Variants in PRKAR1B observed in about 807,000 individuals in gnomAD.
The protein encoded by PRKAR1B is cAMP-dependent protein kinase type I-beta regulatory subunit.
In PRKAR1B, 22 loss-of-function variants were observed where a neutral mutation model predicts 46.5. The observed-to-expected ratio is 0.47, with a 90% CI of 0.34 to 0.68. The LOEUF is 0.68. PRKAR1B is among the 30% of genes least tolerant of loss of function. The pLI, the probability that PRKAR1B is intolerant of heterozygous loss-of-function variation, is 0.01. For missense variants in PRKAR1B, 445 were observed against 535.6 expected (o/e 0.83, Z 1.67); for synonymous variants, 259 against 217.7 (o/e 1.19, Z -1.67).
intron 2 of PRKAR1B, chr7:697,120 C>G (rs987030587): frequency 2.3e-4 from 35 of 152,222 alleles, no homozygotes; most frequent in Admixed American, 2.2e-3. Flanking sequence ...AACAGGGTTT[C>G]CAGAAAGCTC....
intron 9 of PRKAR1B, among the ~76,000 whole-genome samples, chr7:558,521 C>A (rs1383565066): frequency 6.6e-6 from 1 of 151,780 alleles, no homozygotes; most frequent in African/African-American, 2.4e-5. Flanking sequence ...TTTGGGAGGC[C>A]GAGGTGGGCA....
chr7:559,081 C>T (rs1778626017), intron 9 of PRKAR1B, among the ~76,000 whole-genome samples: 1 of 152,242 alleles, frequency 6.6e-6, no homozygotes. Flanking sequence ...CCAGGCTCGC[C>T]TTCAGTCACT....
chr7:694,827 G>C (rs930320991), intron 2 of PRKAR1B, among the ~76,000 whole-genome samples: 1 of 152,168 alleles, frequency 6.6e-6, no homozygotes, highest in Non-Finnish European at 1.5e-5. Context: ...CCTGAGGTCA[G>C]AAGTTCGAGA....
At chr7:643,200 C>T (rs1784474402) in intron 4 of PRKAR1B, among the ~76,000 whole-genome samples, 1 of 151,612 alleles carries the variant, frequency 6.6e-6, no homozygotes, top group Non-Finnish European at 1.5e-5. Flanking sequence ...GTCACTCTTT[C>T]ATGCCATCTT....
intron 6 of PRKAR1B, among the ~76,000 whole-genome samples, chr7:599,442 C>T (rs973753523): frequency 2.0e-5 from 3 of 152,180 alleles, no homozygotes; most frequent in Admixed American, 6.5e-5. Flanking sequence ...GCAACTGCCA[C>T]CACGCCCGGC....
chr7:607,444 AAT>A lies in PRKAR1B; in HGVS notation c.447_448del (p.Phe150ArgfsTer20). The A allele has an allele frequency of 6.2e-7, 1 of 1,613,962 alleles. No individual in the cohort carries two copies. Among genetic ancestry groups the A allele is most frequent in the Non-Finnish European group, 8.5e-7 (1 of 1,179,836 alleles). On this transcript the variant is annotated frameshift_variant, in exon 5 of 11. Transcript: ENST00000537384. LOFTEE classifies it high-confidence loss of function. ...GTGAGTGACAGGGAACATGGCATCG[AAT>A]ATGTCACTGAAAAGCAAAACACGCC...
chr7:626,506 A>G (rs1420640969), intron 4 of PRKAR1B, among the ~76,000 whole-genome samples: 1 of 152,160 alleles, frequency 6.6e-6, no homozygotes, highest in African/African-American at 2.4e-5. Context: ...CAGAAACAAA[A>G]AACAAAAATA....
chr7:633,077 C>T (rs947079096), intron 4 of PRKAR1B, among the ~76,000 whole-genome samples: 1 of 152,094 alleles, frequency 6.6e-6, no homozygotes. Flanking sequence ...TCATTCTCTG[C>T]TCCCACCACT....
At chr7:559,224 G>C (rs545880025) in intron 9 of PRKAR1B, among the ~76,000 whole-genome samples, 27 of 152,306 alleles carry the variant, frequency 1.8e-4, no homozygotes, top group African/African-American at 6.0e-4. Context: ...CAGGAGAGCC[G>C]AGAATCAGTT....
At chr7:591,351 G>A (rs1780965328) in intron 7 of PRKAR1B, among the ~76,000 whole-genome samples, 1 of 152,230 alleles carries the variant, frequency 6.6e-6, no homozygotes, top group African/African-American at 2.4e-5. Context: ...CTTTGTGTGG[G>A]AAAAGGCAGG....
At position 703,134 on chromosome 7, in the gene PRKAR1B, A is replaced by G. The variant is rs1780148723; in HGVS notation, c.177+8195T>C. 2.0e-5 allele frequency among the ~76,000 whole-genome samples: 3 copies of G among 152,232 alleles called. No homozygotes were observed. In the South Asian group the frequency reaches 6.2e-4, roughly 32 times the overall value. On this transcript the variant is annotated intron_variant, in intron 2 of 10. Coordinates refer to ENST00000537384, the MANE Select transcript of PRKAR1B (RefSeq NM_001164760.2). ...TAATATCAGATAAAGCAGACTTCAGAACAATGAAAATTACCAGGAACAAAG... is the reference window on the plus strand; with the variant it reads ...TAATATCAGATAAAGCAGACTTCAGGACAATGAAAATTACCAGGAACAAAG...
chr7:652,874 G>A (rs565184431), intron 4 of PRKAR1B, among the ~76,000 whole-genome samples: 16 of 152,324 alleles, frequency 1.1e-4, no homozygotes, highest in African/African-American at 3.6e-4. Flanking sequence ...TCTTCCTCAT[G>A]GTTCTGTGGG....
intron 4 of PRKAR1B, among the ~76,000 whole-genome samples, chr7:643,131 G>A (rs565869860): frequency 6.6e-6 from 1 of 151,688 alleles, no homozygotes; most frequent in South Asian, 2.1e-4. Context: ...ATCAGACTCT[G>A]CCATTGCAAA....
chr7:669,492 A>G (rs1029176383), intron 4 of PRKAR1B, among the ~76,000 whole-genome samples: 1 of 152,272 alleles, frequency 6.6e-6, no homozygotes. Context: ...GGCTGGGTGC[A>G]GTGGCTCACA....
Position 550,477 on chromosome 7 carries a change from TGAG to T in PRKAR1B, c.1096_1098del (p.Leu366del), listed in dbSNP as rs1348181993. The T allele has an allele frequency of 1.3e-6, 2 of 1,598,550 alleles. No individual in the cohort carries two copies. The highest frequency in any genetic ancestry group is 1.7e-6 in the Non-Finnish European group (2 of 1,173,106). On this transcript the variant is annotated inframe_deletion, in exon 11 of 11. Coordinates refer to ENST00000537384, the MANE Select transcript of PRKAR1B (RefSeq NM_001164760.2). ...CTGTTGTAACGCTGAATGTTCCTCT[TGAG>T]GATCTCAGAGCAGGGCCCCAGCACA...
intron 4 of PRKAR1B, among the ~76,000 whole-genome samples, chr7:643,980 CTG>C (rs141940504): frequency 2.2e-4 from 34 of 152,322 alleles, no homozygotes; most frequent in African/African-American, 7.7e-4. Flanking sequence ...GCCATCCACA[CTG>C]TGCCATTCGA....
rs192865769 is a variant in PRKAR1B at position 620,909 on chromosome 7, G to A, written c.441-13457C>T. On this transcript the variant is annotated intron_variant, in intron 4 of 10. Coordinates refer to ENST00000537384, the MANE Select transcript of PRKAR1B (RefSeq NM_001164760.2). Reference sequence around the variant, plus strand: ...GATTCTCCATTAGCATGTTTGCTCTGTGTTGGGTATGTATGACCTTTACCA... The same window carrying A: ...GATTCTCCATTAGCATGTTTGCTCTATGTTGGGTATGTATGACCTTTACCA... 1.8e-4 allele frequency among the ~76,000 whole-genome samples: 28 copies of A among 152,358 alleles called. 1 individual carries two copies. The highest frequency in any genetic ancestry group is 6.0e-4 in the African/African-American group (25 of 41,576).
chr7:636,359 ACCGGCCGCGC>A (rs1784083228), intron 4 of PRKAR1B, among the ~76,000 whole-genome samples: 10 of 24,554 alleles, frequency 4.1e-4, no homozygotes, highest in South Asian at 3.2e-3. Flanking sequence ...CACGTCCTCC[ACCGGCCGCGC>A]CCACACGTCC....
chr7:672,804 T>C (rs1453279475), intron 4 of PRKAR1B, among the ~76,000 whole-genome samples: 1 of 151,842 alleles, frequency 6.6e-6, no homozygotes, highest in African/African-American at 2.4e-5. Context: ...GAGGCGGACA[T>C]TGCAGTGAGC....
Sources: gnomAD v4.1 joint callset for allele counts (sites outside exome capture counted in the v4.1 genomes callset) on GRCh38, gnomAD v4.1.1 for gene constraint, MANE v1.5 for transcripts, NCBI Gene and HGNC (gene_info 2026-07-23, HGNC 2026-07-21) for gene names.